ASAP2: variants seen among roughly 807,000 people sequenced by gnomAD.
ASAP2 encodes the protein ArfGAP with SH3 domain, ankyrin repeat and PH domain 2, also known as arf-GAP with SH3 domain, ANK repeat and PH domain-containing protein 2.
A neutral mutation model predicts 131.4 loss-of-function variants in ASAP2; 45 were observed. The observed-to-expected ratio is 0.34, with a 90% CI of 0.27 to 0.44. ASAP2 has a LOEUF of 0.44. ASAP2 is among the 20% of genes least tolerant of loss of function. The pLI, the probability that ASAP2 is intolerant of heterozygous loss-of-function variation, is 1.00. For missense variants in ASAP2, 1,011 were observed against 1,297.0 expected (o/e 0.78, Z 3.39); for synonymous variants, 510 against 503.0 (o/e 1.01, Z -0.19).
chr2:9,229,463 G>A (rs1447729414), intron 1 of ASAP2, among the ~76,000 whole-genome samples: 2 of 152,206 alleles, frequency 1.3e-5, no homozygotes, highest in African/African-American at 2.4e-5. Context: ...GGAACCAGGG[G>A]CAGCTACAAA....
At chr2:9,211,942 G>A (rs1661589677) in intron 1 of ASAP2, among the ~76,000 whole-genome samples, 2 of 152,088 alleles carry the variant, frequency 1.3e-5, no homozygotes, top group Admixed American at 6.6e-5. Flanking sequence ...GGTCAAACAG[G>A]GCCACCTTTT....
intron 11 of ASAP2, among the ~76,000 whole-genome samples, chr2:9,346,435 CAAA>C (rs879767444): frequency 5.1e-5 from 5 of 98,020 alleles, no homozygotes; most frequent in East Asian, 2.8e-4. Context: ...GACTCCATCT[CAAA>C]AAAAAAAAAA....
At chr2:9,326,657 G>A (rs750453213) in intron 6 of ASAP2, among the ~76,000 whole-genome samples, 4 of 151,980 alleles carry the variant, frequency 2.6e-5, no homozygotes, top group Non-Finnish European at 5.9e-5. Flanking sequence ...AAAAAAAATC[G>A]TATAAGTAGA....
chr2:9,334,873 C>T (rs924058672), intron 8 of ASAP2, 60 bp downstream of exon 8: 49 of 1,518,792 alleles, frequency 3.2e-5, no homozygotes, highest in Non-Finnish European at 4.3e-5. Flanking sequence ...ACATTTTCAT[C>T]TAAATGTCAC....
chr2:9,357,154 CTG>C (rs1672761847), intron 14 of ASAP2, among the ~76,000 whole-genome samples: 1 of 150,336 alleles, frequency 6.7e-6, no homozygotes, highest in South Asian at 2.1e-4. Flanking sequence ...ACCCTGAAGA[CTG>C]TATTTGGCCT....
At chr2:9,336,337 C>G (rs562033091) in intron 9 of ASAP2, among the ~76,000 whole-genome samples, 1 of 147,492 alleles carries the variant, frequency 6.8e-6, no homozygotes, top group South Asian at 2.3e-4. Context: ...ACACATCTCT[C>G]TAGTCCCTCT....
At chr2:9,216,731 G>C (rs1213889673) in intron 1 of ASAP2, among the ~76,000 whole-genome samples, 1 of 151,910 alleles carries the variant, frequency 6.6e-6, no homozygotes. Flanking sequence ...AAAGTGCTGG[G>C]ATTGCAAGTG....
chr2:9,394,746 G>C (rs1305274997), intron 24 of ASAP2, among the ~76,000 whole-genome samples: 1 of 152,206 alleles, frequency 6.6e-6, no homozygotes, highest in Non-Finnish European at 1.5e-5. Context: ...TGACAGACAT[G>C]AGGCACAGCC....
chr2:9,366,573 G>A (rs899528707), intron 15 of ASAP2, among the ~76,000 whole-genome samples: 11 of 152,164 alleles, frequency 7.2e-5, no homozygotes, highest in Non-Finnish European at 1.6e-4. Context: ...TGGTGCATAG[G>A]TACCTGTCAC....
intron 2 of ASAP2, among the ~76,000 whole-genome samples, chr2:9,295,443 G>A (rs62121304): frequency 0.2 from 29,735 of 152,220 alleles, 3,386 homozygotes; most frequent in Non-Finnish European, 0.27. Flanking sequence ...TTGGTTATGC[G>A]CCAAGTGTGG....
rs796770791 is a variant in ASAP2 at position 9,386,143 on chromosome 2, C to CT, written c.2130+797dup. 2.1e-3 allele frequency among the ~76,000 whole-genome samples: 298 copies of CT among 143,648 alleles called. 1 individual carries two copies. Among genetic ancestry groups the CT allele is most frequent in the African/African-American group, 4.6e-3 (183 of 39,438 alleles). The allele number at this position is 143,648 out of a possible 152,430, so 94.2% of individuals were successfully genotyped here. A position where few individuals can be genotyped will look rare whatever the true frequency, so the allele number is the denominator to read the frequency against. On this transcript the variant is annotated intron_variant, in intron 21 of 27. Coordinates refer to ENST00000281419, the MANE Select transcript of ASAP2 (RefSeq NM_003887.3). Reference sequence around the variant, plus strand: ...CATTAAACACATTTTCATGGTTTGGCTTTTTTTTTTTTCTGTAATGCATTA... The same window carrying CT: ...CATTAAACACATTTTCATGGTTTGGCTTTTTTTTTTTTTCTGTAATGCATTA...
At chr2:9,284,610 A>G (rs1667349209) in intron 2 of ASAP2, among the ~76,000 whole-genome samples, 1 of 152,196 alleles carries the variant, frequency 6.6e-6, no homozygotes, top group African/African-American at 2.4e-5. Flanking sequence ...AGATTAAGTG[A>G]GATAACATGA....
intron 16 of ASAP2, among the ~76,000 whole-genome samples, chr2:9,373,344 T>G (rs1291340623): frequency 2.0e-5 from 3 of 152,212 alleles, no homozygotes; most frequent in Non-Finnish European, 4.4e-5. Flanking sequence ...CCAGCCAGCC[T>G]CACGCTGCGG....
At chr2:9,264,264 T>C (rs1165245868) in intron 1 of ASAP2, among the ~76,000 whole-genome samples, 2 of 151,936 alleles carry the variant, frequency 1.3e-5, no homozygotes, top group Non-Finnish European at 2.9e-5. Flanking sequence ...AAACAACTTG[T>C]GGGGAAGGAG....
In ASAP2 at chr2:9,392,171, A is replaced by G. The variant is rs1422115163; in HGVS notation, c.2518+975A>G. 6.6e-6 allele frequency among the ~76,000 whole-genome samples: 1 copy of G among 152,168 alleles called. No homozygotes were observed. The highest frequency in any genetic ancestry group is 1.5e-5 in the Non-Finnish European group (1 of 68,038). ...CGCCCAGCCTGGCATGTTTTCTTTA[A>G]TATCAACATGTGGTTGAAAGTCCTG... On this transcript the variant is annotated intron_variant, in intron 23 of 27. Coordinates refer to ENST00000281419, the MANE Select transcript of ASAP2 (RefSeq NM_003887.3). This position sits in a 1 kb window ranked among gnomAD's most constrained non-coding sequence, Gnocchi z 4.0.
chr2:9,386,963 G>A (rs1309282890), intron 21 of ASAP2, among the ~76,000 whole-genome samples: 1 of 152,098 alleles, frequency 6.6e-6, no homozygotes, highest in Non-Finnish European at 1.5e-5. Context: ...CCAGCACTTT[G>A]GGAGGCTGAG....
At chr2:9,219,422 A>G (rs927581800) in intron 1 of ASAP2, among the ~76,000 whole-genome samples, 1 of 152,202 alleles carries the variant, frequency 6.6e-6, no homozygotes, top group Non-Finnish European at 1.5e-5. Flanking sequence ...GGTCTGTAAC[A>G]TGAGAGATTT....
At chr2:9,280,727 A>G (rs1419951148) in intron 2 of ASAP2, among the ~76,000 whole-genome samples, 1 of 152,164 alleles carries the variant, frequency 6.6e-6, no homozygotes, top group East Asian at 1.9e-4. Flanking sequence ...CCTTTTCTAA[A>G]ACTGATACAG....
At chr2:9,314,837 G>A (rs567626858) in intron 3 of ASAP2, among the ~76,000 whole-genome samples, 3 of 151,710 alleles carry the variant, frequency 2.0e-5, no homozygotes, top group South Asian at 2.1e-4. Flanking sequence ...AGGCTGAGGC[G>A]GGAGGATCAC....
Sources: allele counts gnomAD v4.1 joint callset (sites outside exome capture counted in the v4.1 genomes callset), GRCh38; gene constraint gnomAD v4.1.1; non-coding constraint Gnocchi (gnomAD v3.1); transcripts MANE v1.5; gene names NCBI Gene and HGNC (gene_info 2026-07-23, HGNC 2026-07-21).